RELCH: variants seen among roughly 807,000 people sequenced by gnomAD.
RELCH encodes the protein RAB11 binding and LisH domain, coiled-coil and HEAT repeat containing.
RELCH carries 41 observed loss-of-function variants against 150.3 expected under a neutral mutation model. That is an observed-to-expected ratio of 0.27 (90% confidence interval 0.21 to 0.35). The LOEUF (loss-of-function observed/expected upper bound fraction) is 0.35. RELCH is among the 10% of genes least tolerant of loss of function. The pLI, the probability that RELCH is intolerant of heterozygous loss-of-function variation, is 1.00. For synonymous variants in RELCH, 478 were observed against 531.8 expected (o/e 0.90, Z 1.39); for missense variants, 1,092 against 1,467.8 (o/e 0.74, Z 4.18).
intron 24 of RELCH, 63 bp downstream of exon 24, chr18:62,280,772 TG>T (rs2044472486): frequency 2.7e-6 from 3 of 1,118,138 alleles, no homozygotes; most frequent in Middle Eastern, 4.0e-4. Context: ...TACATGTATC[TG>T]GTGGTAGGCT....
At chr18:62,295,328 T>C (rs2145096925) in intron 27 of RELCH, among the ~76,000 whole-genome samples, 1 of 151,318 alleles carries the variant, frequency 6.6e-6, no homozygotes, top group South Asian at 2.1e-4. Flanking sequence ...GTTTTTTTTT[T>C]TTTTTTCTCT....
intron 10 of RELCH, among the ~76,000 whole-genome samples, chr18:62,236,257 T>A (rs28752249): frequency 0.1 from 15,229 of 151,990 alleles, 904 homozygotes; most frequent in East Asian, 0.19. Flanking sequence ...CTGCATTATT[T>A]ATACATTGCC....
intron 9 of RELCH, 96 bp from the exon 10 acceptor site, chr18:62,232,236 G>A (rs554631302): frequency 5.6e-5 from 39 of 699,752 alleles, no homozygotes; most frequent in Non-Finnish European, 1.0e-4. Context: ...TGTGTGTTTA[G>A]GGCAGAGGTA....
rs113685606 is a variant in RELCH, at chr18:62,302,236, A to G, written c.3531-3178A>G. On this transcript the variant is annotated intron_variant, in intron 28 of 28. Coordinates refer to ENST00000644646, the MANE Select transcript of RELCH (RefSeq NM_001346231.2). Reference sequence around the variant, plus strand: ...ACAAAATGGAACTATAGGAAGAACTATTCTGAAGAGGAATATTTAAAATGT... The same window carrying G: ...ACAAAATGGAACTATAGGAAGAACTGTTCTGAAGAGGAATATTTAAAATGT... 8.5e-3 allele frequency among the ~76,000 whole-genome samples: 1,293 copies of G among 152,354 alleles called. 20 individuals are homozygous for G. The highest frequency in any genetic ancestry group is 0.03 in the African/African-American group (1,237 of 41,574).
In RELCH at chr18:62,293,562, C is replaced by T. The variant is rs138620946; in HGVS notation, c.3459+1931C>T. On this transcript the variant is annotated intron_variant, in intron 27 of 28. Coordinates refer to ENST00000644646, the MANE Select transcript of RELCH (RefSeq NM_001346231.2). ...GATGTTCATCACATCTACAGAATAC[C>T]TTCACAGCAATGCCTGGGTCACTGT... Among the ~76,000 whole-genome samples the T allele has an allele frequency of 2.0e-4, 31 of 152,152 alleles. No homozygotes were observed. In the East Asian group the frequency reaches 5.4e-3, roughly 27 times the overall value.
intron 15 of RELCH, 79 bp downstream of exon 15, chr18:62,258,755 A>T: frequency 9.9e-7 from 1 of 1,009,226 alleles, no homozygotes; most frequent in Non-Finnish European, 1.4e-6. Flanking sequence ...ATGTTAGAGA[A>T]CAGAGACAGA....
At chr18:62,225,519 A>G (rs529857095) in intron 5 of RELCH, among the ~76,000 whole-genome samples, 2 of 152,192 alleles carry the variant, frequency 1.3e-5, no homozygotes, top group South Asian at 4.1e-4. Context: ...AAAAGAATGC[A>G]CAAAAATTTT....
intron 5 of RELCH, among the ~76,000 whole-genome samples, chr18:62,226,314 T>C (rs2041215758): frequency 1.3e-5 from 2 of 152,136 alleles, no homozygotes; most frequent in Non-Finnish European, 2.9e-5. Flanking sequence ...TGCTTTTTTG[T>C]ACTTTTAATA....
At chr18:62,222,422 A>G (rs1455796135) in intron 5 of RELCH, among the ~76,000 whole-genome samples, 1 of 151,914 alleles carries the variant, frequency 6.6e-6, no homozygotes, top group Non-Finnish European at 1.5e-5. Context: ...TAAATGATCG[A>G]CTAAACAGTG....
intron 1 of RELCH, among the ~76,000 whole-genome samples, chr18:62,195,630 G>C (rs777911069): frequency 2.0e-5 from 3 of 151,994 alleles, no homozygotes; most frequent in Non-Finnish European, 4.4e-5. Context: ...GCTAACAGGA[G>C]GTAGTCATTT....
intron 27 of RELCH, among the ~76,000 whole-genome samples, chr18:62,293,481 G>A (rs1337155178): frequency 1.3e-5 from 2 of 151,996 alleles, no homozygotes; most frequent in African/African-American, 4.8e-5. Flanking sequence ...GCTTGGGTGA[G>A]ACCTACCCAT....
At chr18:62,195,800 G>T (rs1456270014) in intron 1 of RELCH, among the ~76,000 whole-genome samples, 1 of 151,584 alleles carries the variant, frequency 6.6e-6, no homozygotes, top group South Asian at 2.1e-4. Flanking sequence ...GGTTCAAGCA[G>T]TTCTCCTGCC....
At chr18:62,200,652 A>G (rs926051946) in intron 1 of RELCH, among the ~76,000 whole-genome samples, 4 of 151,788 alleles carry the variant, frequency 2.6e-5, no homozygotes, top group African/African-American at 9.7e-5. Flanking sequence ...TGTGTATTCT[A>G]AAGTGTTTCA....
chr18:62,218,324 T>G (rs1296801643), intron 2 of RELCH, among the ~76,000 whole-genome samples: 1 of 151,894 alleles, frequency 6.6e-6, no homozygotes, highest in Non-Finnish European at 1.5e-5. Context: ...AAAAAATACT[T>G]CTTCAGACCA....
chr18:62,210,801 G>T (rs1459176781), intron 1 of RELCH, among the ~76,000 whole-genome samples: 1 of 152,184 alleles, frequency 6.6e-6, no homozygotes, highest in Non-Finnish European at 1.5e-5. Context: ...GTTAGGCCGT[G>T]AAGACTGGAT....
intron 5 of RELCH, among the ~76,000 whole-genome samples, chr18:62,222,198 A>G (rs979859132): frequency 2.6e-5 from 4 of 151,986 alleles, no homozygotes; most frequent in Non-Finnish European, 4.4e-5. Flanking sequence ...TAGATCCTTT[A>G]GCAAAAATAG....
chr18:62,194,066 C>G (rs902562284), intron 1 of RELCH, among the ~76,000 whole-genome samples: 2 of 151,998 alleles, frequency 1.3e-5, no homozygotes, highest in Non-Finnish European at 2.9e-5. Context: ...GGCAACATGA[C>G]AAAACTCCGT....
rs771922144 is a variant in RELCH, at chr18:62,261,511, G to A, written c.2203G>A (p.Glu735Lys). Residue 735 changes from glutamate (E) to lysine (K), a missense_variant and splice_region_variant, in exon 16 of 29, where the codon GAA (glutamate) becomes AAA (lysine). Glu to Lys is a moderately conservative substitution (Grantham distance 56). Around this residue, in one of 4 missense-constraint regions of RELCH, gnomAD observed 707 missense variants for 1,025.4 expected, o/e 0.69. Coordinates refer to ENST00000644646, the MANE Select transcript of RELCH (RefSeq NM_001346231.2). ...LLNKIEKLLR[E>K]GEHGLDEHKL... is the part of the protein sequence containing the mutation. ...TAGCTTCCACCTCCTTATGTTTCAG[G>A]AAGGAGAACATGGACTGGATGAACA... 4 of 1,609,770 alleles carry A rather than the reference G, an allele frequency of 2.5e-6. No homozygotes were observed. The African/African-American group carries it at 5.4e-5, about 22-fold the overall frequency.
chr18:62,211,857 T>A (rs895196655), intron 2 of RELCH, among the ~76,000 whole-genome samples: 1 of 152,174 alleles, frequency 6.6e-6, no homozygotes, highest in African/African-American at 2.4e-5. Context: ...TTGAGTTCCC[T>A]GAGTGCTCAC....
Sources: allele counts gnomAD v4.1 joint callset (sites outside exome capture counted in the v4.1 genomes callset), GRCh38; gene constraint gnomAD v4.1.1; regional missense constraint gnomAD v4.1.1; transcripts MANE v1.5; gene names NCBI Gene and HGNC (gene_info 2026-07-23, HGNC 2026-07-21).